BIRC6: variants seen among roughly 807,000 people sequenced by gnomAD.
BIRC6 encodes the protein dual E2 ubiquitin-conjugating enzyme/E3 ubiquitin-protein ligase BIRC6.
In BIRC6, 98 loss-of-function variants were observed where a neutral mutation model predicts 503.3. That is an observed-to-expected ratio of 0.19 (90% CI 0.17 to 0.23). The LOEUF is 0.23. Ranked by LOEUF, BIRC6 falls within the 10% of genes least tolerant of loss-of-function variation. The pLI is 1.00. For missense variants in BIRC6, 5,360 were observed against 5,806.0 expected (o/e 0.92, Z 2.50); for synonymous variants, 2,240 against 2,078.7 (o/e 1.08, Z -2.11).
chr2:32,358,774 G>A (rs1399855114), intron 1 of BIRC6, among the ~76,000 whole-genome samples: 1 of 152,200 alleles, frequency 6.6e-6, no homozygotes, highest in Non-Finnish European at 1.5e-5. Flanking sequence ...TATAGTTTCA[G>A]GATATAAACT....
intron 31 of BIRC6, among the ~76,000 whole-genome samples, chr2:32,470,642 A>G (rs1247978968): frequency 3.9e-5 from 6 of 152,182 alleles, no homozygotes; most frequent in African/African-American, 1.4e-4. Context: ...TTATAGGAAT[A>G]AAAACATTAG....
chr2:32,464,827 A>T lies in BIRC6; in HGVS notation c.5256+4A>T. 1 of 1,597,508 alleles carries T rather than the reference A, an allele frequency of 6.3e-7. No individual in the cohort carries two copies. The highest frequency in any genetic ancestry group is 8.5e-7 in the Non-Finnish European group (1 of 1,170,562). Reference sequence around the variant, plus strand: ...AAATTCCAACAAGTCCAGAATGGTAAATTATGTTTTAAATAGGTGTTGGCT... The same window carrying T: ...AAATTCCAACAAGTCCAGAATGGTATATTATGTTTTAAATAGGTGTTGGCT... On this transcript the variant is annotated splice_donor_region_variant and intron_variant, in intron 25 of 73. Coordinates refer to ENST00000421745, the MANE Select transcript of BIRC6 (RefSeq NM_016252.4).
At chr2:32,496,490 C>G (rs890016874) in intron 45 of BIRC6, among the ~76,000 whole-genome samples, 2 of 152,186 alleles carry the variant, frequency 1.3e-5, no homozygotes, top group African/African-American at 4.8e-5. Flanking sequence ...TCCCAAATTG[C>G]TGGGTTTACA....
Position 32,415,001 on chromosome 2 carries a change from A to G in BIRC6, c.1710A>G (p.Gly570=). Residue 570 remains glycine (G), a synonymous_variant, in exon 10 of 74, where the codon GGA becomes GGG. Coordinates refer to ENST00000421745, the MANE Select transcript of BIRC6 (RefSeq NM_016252.4). ...HNIPFPCLLA[G]GLLTYKSPAT... ...TTCCTTTTCCATGTTTATTAGCTGGAGGTTTATTAACATATAAATCTCCTG... is the reference window on the plus strand; with the variant it reads ...TTCCTTTTCCATGTTTATTAGCTGGGGGTTTATTAACATATAAATCTCCTG... 1 of 1,613,918 alleles carries G rather than the reference A, an allele frequency of 6.2e-7. No homozygotes were observed. Among genetic ancestry groups the G allele is most frequent in the Non-Finnish European group, 8.5e-7 (1 of 1,179,870 alleles).
chr2:32,527,805 T>G (rs868097052), intron 59 of BIRC6: 9 of 152,214 alleles, frequency 5.9e-5, no homozygotes, highest in Non-Finnish European at 1.2e-4. Flanking sequence ...ATTCATTGAC[T>G]GGTGGTAAAA....
intron 58 of BIRC6, 149 bp from the exon 59 acceptor site, chr2:32,525,315 T>C: frequency 1.1e-6 from 1 of 870,956 alleles, no homozygotes; most frequent in Non-Finnish European, 1.7e-6. Context: ...ACGAATAGAA[T>C]TGGGAGATTA....
At chr2:32,534,730 C>CAAAAAAAAAAAA (rs770672789) in intron 61 of BIRC6, among the ~76,000 whole-genome samples, 1 of 22,310 alleles carries the variant, frequency 4.5e-5, no homozygotes, top group African/African-American at 1.4e-4. Flanking sequence ...GACTCTGTCT[C>CAAAAAAAAAAAA]AAAAAAAAAA....
intron 9 of BIRC6, among the ~76,000 whole-genome samples, chr2:32,413,802 A>G (rs998794858): frequency 6.6e-5 from 10 of 152,090 alleles, no homozygotes; most frequent in African/African-American, 1.9e-4. Context: ...TCCCTTGTAT[A>G]AAATGGTATA....
At chr2:32,425,761 C>T (rs1241400535) in intron 10 of BIRC6, among the ~76,000 whole-genome samples, 1 of 152,214 alleles carries the variant, frequency 6.6e-6, no homozygotes, top group Non-Finnish European at 1.5e-5. Context: ...GTAGCAGCTG[C>T]AGTCTCAGAA....
chr2:32,589,636 TG>T (rs1334257772), intron 66 of BIRC6, among the ~76,000 whole-genome samples: 1 of 152,238 alleles, frequency 6.6e-6, no homozygotes, highest in Non-Finnish European at 1.5e-5. Flanking sequence ...TTCCTGTTTT[TG>T]ATGGTGGTAA....
At chr2:32,562,027 G>A (rs542941965) in intron 65 of BIRC6, among the ~76,000 whole-genome samples, 1 of 152,074 alleles carries the variant, frequency 6.6e-6, no homozygotes, top group Admixed American at 6.5e-5. Context: ...GAGTGACAGA[G>A]TGAGACTCCA....
intron 66 of BIRC6, 98 bp downstream of exon 66, chr2:32,575,464 T>C: frequency 9.0e-7 from 1 of 1,115,848 alleles, no homozygotes; most frequent in Non-Finnish European, 1.3e-6. Flanking sequence ...ATGTGCTTTT[T>C]AAAAGCATAT....
At chr2:32,561,723 GTATATATA>G (rs553047711) in intron 65 of BIRC6, among the ~76,000 whole-genome samples, 2 of 145,504 alleles carry the variant, frequency 1.4e-5, no homozygotes, top group African/African-American at 5.0e-5. Flanking sequence ...CTTTAATCAT[GTATATATA>G]TATATATATT....
chr2:32,612,373 T>A (rs993973174), intron 73 of BIRC6, among the ~76,000 whole-genome samples: 1 of 152,248 alleles, frequency 6.6e-6, no homozygotes, highest in African/African-American at 2.4e-5. Flanking sequence ...GAAGATTTTC[T>A]GTCTACCCAC....
chr2:32,470,756 A>G (rs532529754), intron 31 of BIRC6, among the ~76,000 whole-genome samples: 8 of 152,314 alleles, frequency 5.3e-5, no homozygotes, highest in African/African-American at 1.9e-4. Flanking sequence ...TCTAGTTTAT[A>G]TAGTCCATTT....
chr2:32,483,538 C>A (rs753832236), intron 39 of BIRC6, among the ~76,000 whole-genome samples: 24 of 152,244 alleles, frequency 1.6e-4, no homozygotes, highest in Non-Finnish European at 8.8e-5. Flanking sequence ...ATACTGAGAG[C>A]CCATTCAAAT....
At chr2:32,590,608 A>T (rs76036342) in intron 66 of BIRC6, among the ~76,000 whole-genome samples, 1 of 152,134 alleles carries the variant, frequency 6.6e-6, no homozygotes, top group African/African-American at 2.4e-5. Flanking sequence ...ATGTTGAGGT[A>T]TGGGTTTGCT....
intron 73 of BIRC6, among the ~76,000 whole-genome samples, chr2:32,615,929 G>A (rs998151399): frequency 6.6e-6 from 1 of 152,034 alleles, no homozygotes; most frequent in Admixed American, 6.5e-5. Context: ...CATCAGACCC[G>A]GCCGACACAA....
intron 65 of BIRC6, among the ~76,000 whole-genome samples, chr2:32,566,609 C>T (rs553175329): frequency 3.7e-4 from 57 of 152,298 alleles, no homozygotes; most frequent in South Asian, 6.2e-4. Context: ...CTGCCCCAGC[C>T]TTCCAAATCC....
Sources: gnomAD v4.1 joint callset for allele counts (sites outside exome capture counted in the v4.1 genomes callset) on GRCh38, gnomAD v4.1.1 for gene constraint, MANE v1.5 for transcripts, NCBI Gene and HGNC (gene_info 2026-07-23, HGNC 2026-07-21) for gene names.